CCDC3: variants seen among roughly 807,000 people sequenced by gnomAD.
CCDC3 encodes the protein coiled-coil domain containing 3, also known as coiled-coil domain-containing protein 3.
Under a neutral mutation model 21.4 loss-of-function variants are expected in CCDC3, and 24 were observed. The observed-to-expected ratio is 1.12, with a 90% CI of 0.81 to 1.58. The LOEUF (loss-of-function observed/expected upper bound fraction) is 1.58. Among genes scored for constraint, CCDC3 ranks in the 40% most tolerant of loss-of-function variants. The pLI is 0.00. For synonymous variants in CCDC3, 186 were observed against 166.0 expected, an observed-to-expected ratio of 1.12 and a Z score of -0.93; for missense variants, 425 against 360.9, an observed-to-expected ratio of 1.18 and a Z score of -1.44.
chr10:13,054,038 G>A (rs1023425325), intron 4 of CCDC3, among the ~76,000 whole-genome samples: 2 of 151,798 alleles, frequency 1.3e-5, no homozygotes, highest in Non-Finnish European at 2.9e-5. Flanking sequence ...CCAGCTACTC[G>A]GGAGGCTGAG....
At chr10:12,960,152 TCACACACACACACACAACA>T (rs1564299323) in intron 2 of CCDC3, among the ~76,000 whole-genome samples, 1 of 99,740 alleles carries the variant, frequency 1.0e-5, no homozygotes, top group Non-Finnish European at 1.9e-5. Context: ...AGACTCCATT[TCACACACACACACACAACA>T]CACACACACA....
intron 2 of CCDC3, among the ~76,000 whole-genome samples, chr10:12,913,364 T>C (rs1028932515): frequency 1.3e-5 from 2 of 152,250 alleles, no homozygotes; most frequent in African/African-American, 2.4e-5. Flanking sequence ...GATTGTTTTA[T>C]TGATTTCTTT....
chr10:12,900,118 GATTGTGA>G (rs1293765190), intron 2 of CCDC3, among the ~76,000 whole-genome samples: 7 of 152,264 alleles, frequency 4.6e-5, no homozygotes, highest in Admixed American at 4.6e-4. Context: ...CCTCCACCAT[GATTGTGA>G]GACCTCCCCA....
chr10:12,910,458 ATAT>A (rs1368702083), intron 2 of CCDC3, among the ~76,000 whole-genome samples: 2 of 152,120 alleles, frequency 1.3e-5, no homozygotes, highest in South Asian at 2.1e-4. Flanking sequence ...TTTGGTAAAA[ATAT>A]TATTGGAAAA....
intron 2 of CCDC3, among the ~76,000 whole-genome samples, chr10:12,921,215 T>C (rs78789833): frequency 0.01 from 1,575 of 152,342 alleles, 29 homozygotes; most frequent in African/African-American, 0.035. Flanking sequence ...AAGGAGGCAA[T>C]TGAGGAAGGA....
intron 5 of CCDC3, among the ~76,000 whole-genome samples, chr10:13,021,650 T>A (rs1480933522): frequency 6.6e-6 from 1 of 152,208 alleles, no homozygotes; most frequent in African/African-American, 2.4e-5. Flanking sequence ...TTTTGTGACT[T>A]CCAACCTCCC....
chr10:13,059,975 T>A (rs1053509248), intron 4 of CCDC3, among the ~76,000 whole-genome samples: 11 of 151,962 alleles, frequency 7.2e-5, no homozygotes, highest in Non-Finnish European at 1.6e-4. Flanking sequence ...TCCCAGCTAC[T>A]TGGGAGGCTG....
intron 2 of CCDC3, among the ~76,000 whole-genome samples, chr10:12,951,458 G>A (rs1344062327): frequency 2.0e-5 from 3 of 152,134 alleles, no homozygotes; most frequent in African/African-American, 7.2e-5. Context: ...CCATCCGGGG[G>A]TCTCTACCAG....
intron 3 of CCDC3, among the ~76,000 whole-genome samples, chr10:13,080,819 C>T (rs1837030063): frequency 6.6e-6 from 1 of 152,232 alleles, no homozygotes. Flanking sequence ...TGTTAGACAG[C>T]ACAGCCCAGC....
intron 2 of CCDC3, among the ~76,000 whole-genome samples, chr10:12,914,603 C>A (rs1173410262): frequency 6.6e-6 from 1 of 152,010 alleles, no homozygotes; most frequent in Non-Finnish European, 1.5e-5. Flanking sequence ...CACCACCATG[C>A]CTGGTTAATT....
At chr10:12,921,058 G>T (rs990850329) in intron 2 of CCDC3, among the ~76,000 whole-genome samples, 9 of 152,114 alleles carry the variant, frequency 5.9e-5, no homozygotes, top group African/African-American at 1.9e-4. Context: ...GAAAAATGCA[G>T]GCAAGCTACA....
chr10:12,902,815 C>T (rs2131195406), intron 2 of CCDC3, among the ~76,000 whole-genome samples: 1 of 79,316 alleles, frequency 1.3e-5, no homozygotes, highest in South Asian at 5.2e-4. Flanking sequence ...TGAATTTCAC[C>T]TCCAGCAAGA....
intron 5 of CCDC3, among the ~76,000 whole-genome samples, chr10:13,041,799 T>C (rs1459363452): frequency 2.6e-5 from 4 of 151,414 alleles, no homozygotes; most frequent in Non-Finnish European, 5.9e-5. Context: ...TGGCAGCGAA[T>C]CTTGATGGAG....
chr10:13,011,387 C>T (rs1485838127), intron 5 of CCDC3, among the ~76,000 whole-genome samples: 1 of 152,052 alleles, frequency 6.6e-6, no homozygotes, highest in Non-Finnish European at 1.5e-5. Flanking sequence ...CTCCTATACA[C>T]TAATAGCACT....
intron 2 of CCDC3, among the ~76,000 whole-genome samples, chr10:12,990,874 A>T: frequency 6.6e-6 from 1 of 152,240 alleles, no homozygotes; most frequent in Non-Finnish European, 1.5e-5. Context: ...AGGAATACAG[A>T]AAGTTCATTG....
intron 2 of CCDC3, among the ~76,000 whole-genome samples, chr10:12,918,948 G>T (rs1007277055): frequency 1.3e-5 from 2 of 152,136 alleles, no homozygotes; most frequent in African/African-American, 2.4e-5. Context: ...CCAGCTACTC[G>T]GGAGGCTGAG....
At chr10:12,971,062 T>TA (rs986272632) in intron 2 of CCDC3, among the ~76,000 whole-genome samples, 1 of 152,176 alleles carries the variant, frequency 6.6e-6, no homozygotes, top group African/African-American at 2.4e-5. Context: ...TCTACAGAGT[T>TA]ACAGAATTTT....
At position 12,917,232 on chromosome 10, in the gene CCDC3, T is replaced by C. The variant is rs1191563898; in HGVS notation, c.550-18553A>G. Among the ~76,000 whole-genome samples, 23 of 120,230 alleles carry C rather than the reference T, an allele frequency of 1.9e-4. No homozygotes were observed. In the East Asian group the frequency reaches 5.4e-3, roughly 28 times the overall value. 78.9% of individuals were successfully genotyped at this position (120,230 alleles called of 152,430 possible). A position where few individuals can be genotyped will look rare whatever the true frequency, so the allele number is the denominator to read the frequency against. Reference sequence around the variant, plus strand: ...TTTTTTTGAGACAGTCTTGCTCTGTTGCCCAGGCCGGACTGCAGTGGCGCT... The same window carrying C: ...TTTTTTTGAGACAGTCTTGCTCTGTCGCCCAGGCCGGACTGCAGTGGCGCT... On this transcript the variant is annotated intron_variant, in intron 2 of 2. Transcript: ENST00000378825.
At chr10:12,977,292 A>AGGAAAGGAAAGG (rs1230660675) in intron 2 of CCDC3, among the ~76,000 whole-genome samples, 1 of 152,092 alleles carries the variant, frequency 6.6e-6, no homozygotes, top group Non-Finnish European at 1.5e-5. Context: ...AGGAAAAGAA[A>AGGAAAGGAAAGG]GGAAAGGAAA....
Sources: gnomAD v4.1 joint callset for allele counts (sites outside exome capture counted in the v4.1 genomes callset) on GRCh38, gnomAD v4.1.1 for gene constraint, MANE v1.5 for transcripts, NCBI Gene and HGNC (gene_info 2026-07-23, HGNC 2026-07-21) for gene names.